The following CDH12 variants were observed in gnomAD, a reference collection of about 807,000 sequenced individuals.
CDH12 encodes the protein cadherin-12.
Under a neutral mutation model 74.1 loss-of-function variants are expected in CDH12, and 41 were observed. That is an observed-to-expected ratio of 0.55 (90% CI 0.43 to 0.72). The LOEUF (loss-of-function observed/expected upper bound fraction) is 0.72. CDH12 is among the 30% of genes least tolerant of loss of function. CDH12 has a pLI of 0.00. For missense variants in CDH12, 945 were observed against 977.2 expected (o/e 0.97, Z 0.44); for synonymous variants, 399 against 355.0 (o/e 1.12, Z -1.39).
chr5:21,880,313 T>G (rs539689951), intron 6 of CDH12, among the ~76,000 whole-genome samples: 1 of 152,370 alleles, frequency 6.6e-6, no homozygotes, highest in African/African-American at 2.4e-5. Flanking sequence ...CTATAGAATC[T>G]GTTAGTTTCC....
At chr5:22,543,394 C>G (rs1466100885) in intron 1 of CDH12, among the ~76,000 whole-genome samples, 4 of 151,938 alleles carry the variant, frequency 2.6e-5, no homozygotes, top group African/African-American at 9.7e-5. Context: ...TTATAAAAAG[C>G]CTAGCAGAAA....
At chr5:22,667,350 A>G (rs900213919) in intron 1 of CDH12, among the ~76,000 whole-genome samples, 2 of 152,162 alleles carry the variant, frequency 1.3e-5, no homozygotes, top group Admixed American at 1.3e-4. Context: ...CTTGCTAGAC[A>G]GGTCACCCCA....
intron 1 of CDH12, among the ~76,000 whole-genome samples, chr5:22,764,979 C>A (rs552848689): frequency 2.6e-5 from 4 of 152,062 alleles, no homozygotes; most frequent in African/African-American, 9.6e-5. Flanking sequence ...AAAACTGACA[C>A]TGAGGTAATT....
chr5:22,163,657 G>A (rs975175031), intron 4 of CDH12, among the ~76,000 whole-genome samples: 8 of 152,068 alleles, frequency 5.3e-5, no homozygotes, highest in Admixed American at 2.0e-4. Context: ...AGACACCATT[G>A]TCTCTTGCCT....
intron 1 of CDH12, among the ~76,000 whole-genome samples, chr5:22,604,248 G>A (rs1736989483): frequency 6.6e-6 from 1 of 152,152 alleles, no homozygotes; most frequent in Non-Finnish European, 1.5e-5. Flanking sequence ...GGGGGGTGGG[G>A]TATTGAGGCA....
chr5:22,296,897 GA>G (rs1039851781), intron 3 of CDH12, among the ~76,000 whole-genome samples: 1 of 152,036 alleles, frequency 6.6e-6, no homozygotes, highest in African/African-American at 2.4e-5. Flanking sequence ...ACACAGAAGG[GA>G]AAAATATCTT....
intron 6 of CDH12, among the ~76,000 whole-genome samples, chr5:21,962,269 A>C (rs948755228): frequency 2.0e-4 from 31 of 151,986 alleles, no homozygotes; most frequent in African/African-American, 6.3e-4. Flanking sequence ...CTCTTATTTT[A>C]ATCATTTTCC....
chr5:22,020,998 T>C (rs1034646166), intron 5 of CDH12, among the ~76,000 whole-genome samples: 5 of 152,136 alleles, frequency 3.3e-5, no homozygotes, highest in Non-Finnish European at 5.9e-5. Context: ...ACCAGGGAGA[T>C]GGTACAGACT....
intron 2 of CDH12, among the ~76,000 whole-genome samples, chr5:22,474,758 C>T (rs1746099980): frequency 6.6e-6 from 1 of 151,980 alleles, no homozygotes. Context: ...CACAGAGAAA[C>T]GTCTTTCAAT....
intron 1 of CDH12, among the ~76,000 whole-genome samples, chr5:22,525,064 G>GT (rs933632330): frequency 1.1e-4 from 17 of 151,188 alleles, no homozygotes; most frequent in Middle Eastern, 3.4e-3. Context: ...GCAGTGTTTG[G>GT]TTTTTTGTCC....
At chr5:22,519,923 T>C (rs1041891964) in intron 1 of CDH12, among the ~76,000 whole-genome samples, 14 of 152,338 alleles carry the variant, frequency 9.2e-5, no homozygotes, top group Middle Eastern at 3.4e-3. Context: ...CCTGTGTATA[T>C]TGTAGAGGTA....
At chr5:22,524,868 T>A (rs1737200849) in intron 1 of CDH12, among the ~76,000 whole-genome samples, 1 of 152,014 alleles carries the variant, frequency 6.6e-6, no homozygotes, top group Non-Finnish European at 1.5e-5. Context: ...CATGCAGGTT[T>A]GTTACATATG....
intron 3 of CDH12, among the ~76,000 whole-genome samples, chr5:22,248,463 A>T: frequency 6.6e-6 from 1 of 152,200 alleles, no homozygotes; most frequent in East Asian, 1.9e-4. Context: ...AAGAAAAAAT[A>T]ATGTGTCTGC....
In CDH12 at chr5:22,787,573, T is replaced by A. The variant is rs531699482; in HGVS notation, c.-523+65485A>T. On this transcript the variant is annotated intron_variant, in intron 1 of 14. Coordinates refer to ENST00000382254, the MANE Select transcript of CDH12 (RefSeq NM_004061.5). ...GGCTTAAATATTATAAATAATGTTT[T>A]AAAATATTTATTTTTAATAATGTTT... 2.0e-4 allele frequency among the ~76,000 whole-genome samples: 30 copies of A among 152,220 alleles called. No homozygotes were observed. In the East Asian group the frequency reaches 4.2e-3, roughly 22 times the overall value.
At chr5:22,812,035 A>T (rs896068103) in intron 1 of CDH12, among the ~76,000 whole-genome samples, 15 of 152,230 alleles carry the variant, frequency 9.9e-5, no homozygotes, top group African/African-American at 3.4e-4. Context: ...TCCTGTTTTT[A>T]TTGGGCTGGA....
chr5:21,837,893 T>A (rs1749630140), intron 8 of CDH12, among the ~76,000 whole-genome samples: 1 of 152,122 alleles, frequency 6.6e-6, no homozygotes, highest in Non-Finnish European at 1.5e-5. Flanking sequence ...CAAGTGTTCA[T>A]GTAATACAAG....
chr5:22,513,291 C>A (rs1211430979), intron 1 of CDH12, among the ~76,000 whole-genome samples: 1 of 151,978 alleles, frequency 6.6e-6, no homozygotes, highest in Non-Finnish European at 1.5e-5. Flanking sequence ...CAAGTTTTCT[C>A]CTGATACAGC....
intron 5 of CDH12, among the ~76,000 whole-genome samples, chr5:21,987,831 A>G (rs1757579217): frequency 6.6e-6 from 1 of 152,120 alleles, no homozygotes; most frequent in South Asian, 2.1e-4. Flanking sequence ...AATCAGTATC[A>G]CTTTTTCATG....
chr5:22,775,695 T>C (rs1747055605), intron 1 of CDH12, among the ~76,000 whole-genome samples: 1 of 152,104 alleles, frequency 6.6e-6, no homozygotes, highest in Non-Finnish European at 1.5e-5. Flanking sequence ...AACTGAGATG[T>C]AAATAAAATA....
Sources: allele counts gnomAD v4.1 joint callset (sites outside exome capture counted in the v4.1 genomes callset), GRCh38; gene constraint gnomAD v4.1.1; transcripts MANE v1.5; gene names NCBI Gene and HGNC (gene_info 2026-07-23, HGNC 2026-07-21).